Variants in SLC24A3 observed in about 807,000 individuals in gnomAD.
SLC24A3 encodes the protein sodium/potassium/calcium exchanger 3.
A neutral mutation model predicts 75.8 loss-of-function variants in SLC24A3; 28 were observed. The ratio of observed to expected loss-of-function variants is 0.37; its 90% CI spans 0.27 to 0.51. The LOEUF is 0.51. SLC24A3 is among the 20% of genes least tolerant of loss of function. The pLI, the probability that SLC24A3 is intolerant of heterozygous loss-of-function variation, is 0.94. For missense variants in SLC24A3, 663 were observed against 847.8 expected (o/e 0.78, Z 2.71); for synonymous variants, 372 against 334.1 (o/e 1.11, Z -1.24).
At chr20:19,554,502 G>A (rs2030751474) in intron 3 of SLC24A3, among the ~76,000 whole-genome samples, 1 of 152,066 alleles carries the variant, frequency 6.6e-6, no homozygotes, top group African/African-American at 2.4e-5. Flanking sequence ...TCACTTCCTG[G>A]GTATAGGTTA....
chr20:19,276,162 T>C (rs548937304), intron 1 of SLC24A3, among the ~76,000 whole-genome samples: 1 of 152,202 alleles, frequency 6.6e-6, no homozygotes, highest in South Asian at 2.1e-4. Flanking sequence ...CTCCAAGCCT[T>C]CCCAGCTGCC....
chr20:19,272,227 T>C (rs1319965125), intron 1 of SLC24A3, among the ~76,000 whole-genome samples: 1 of 152,198 alleles, frequency 6.6e-6, no homozygotes, highest in African/African-American at 2.4e-5. Flanking sequence ...GCCAGGAGGG[T>C]TGCCCCTCAG....
At chr20:19,707,884 G>C (rs1442639791) in intron 15 of SLC24A3, among the ~76,000 whole-genome samples, 3 of 152,202 alleles carry the variant, frequency 2.0e-5, no homozygotes, top group Non-Finnish European at 4.4e-5. Flanking sequence ...TAGTGGAAAT[G>C]ATAGGTCTGA....
intron 2 of SLC24A3, among the ~76,000 whole-genome samples, chr20:19,368,986 T>C (rs958326014): frequency 2.0e-5 from 3 of 152,194 alleles, no homozygotes; most frequent in African/African-American, 7.2e-5. Flanking sequence ...GAAAATGTCT[T>C]CCTTTGAGCA....
intron 2 of SLC24A3, among the ~76,000 whole-genome samples, chr20:19,381,373 C>T (rs1600456630): frequency 6.6e-6 from 1 of 152,062 alleles, no homozygotes; most frequent in Non-Finnish European, 1.5e-5. Context: ...AAGAGAAACA[C>T]AAAGCAGGAT....
intron 15 of SLC24A3, among the ~76,000 whole-genome samples, chr20:19,714,765 A>G (rs2033026783): frequency 6.6e-6 from 1 of 152,238 alleles, no homozygotes; most frequent in South Asian, 2.1e-4. Context: ...AATTTCAGCC[A>G]CACTGTTCTT....
chr20:19,700,408 A>T (rs2032856755), intron 15 of SLC24A3, among the ~76,000 whole-genome samples: 1 of 132,604 alleles, frequency 7.5e-6, no homozygotes, highest in African/African-American at 2.8e-5. Flanking sequence ...CTTTCTGATG[A>T]GGCCTGGAAG....
chr20:19,234,667 A>G (rs1982113407), intron 1 of SLC24A3, among the ~76,000 whole-genome samples: 1 of 152,232 alleles, frequency 6.6e-6, no homozygotes, highest in South Asian at 2.1e-4. Context: ...AGAGAGCTGC[A>G]GGTGCACAGG....
At chr20:19,374,198 C>T (rs1986040320) in intron 2 of SLC24A3, among the ~76,000 whole-genome samples, 1 of 152,162 alleles carries the variant, frequency 6.6e-6, no homozygotes, top group Non-Finnish European at 1.5e-5. Flanking sequence ...TTTCCCAGTT[C>T]CTCTGCTTAC....
intron 1 of SLC24A3, among the ~76,000 whole-genome samples, chr20:19,270,017 C>T (rs983836695): frequency 2.0e-5 from 3 of 152,192 alleles, no homozygotes; most frequent in East Asian, 1.9e-4. Context: ...TCTCTTCCAA[C>T]GGCACCCATT....
intron 2 of SLC24A3, among the ~76,000 whole-genome samples, chr20:19,441,721 G>A (rs1987302202): frequency 6.6e-6 from 1 of 151,998 alleles, no homozygotes; most frequent in Admixed American, 6.6e-5. Flanking sequence ...TTTATTCTTG[G>A]TGTATAGTTC....
chr20:19,635,591 C>T (rs1026898339), intron 6 of SLC24A3, among the ~76,000 whole-genome samples: 1 of 152,212 alleles, frequency 6.6e-6, no homozygotes, highest in Non-Finnish European at 1.5e-5. Flanking sequence ...TGGCTTGTGT[C>T]TGTTCCACTG....
At chr20:19,447,165 T>G (rs1987401184) in intron 2 of SLC24A3, among the ~76,000 whole-genome samples, 1 of 152,178 alleles carries the variant, frequency 6.6e-6, no homozygotes, top group Non-Finnish European at 1.5e-5. Flanking sequence ...CTCAGATTCT[T>G]TATCTGTGAA....
chr20:19,215,239 G>T (rs574174844), intron 1 of SLC24A3, among the ~76,000 whole-genome samples: 1 of 152,272 alleles, frequency 6.6e-6, no homozygotes, highest in African/African-American at 2.4e-5. Context: ...ACTACCTAGT[G>T]GTCCTTTGGT....
At chr20:19,453,075 G>A (rs944425826) in intron 2 of SLC24A3, among the ~76,000 whole-genome samples, 1 of 152,100 alleles carries the variant, frequency 6.6e-6, no homozygotes, top group Non-Finnish European at 1.5e-5. Flanking sequence ...CAGCTACTCA[G>A]GAGACTGAGG....
chr20:19,696,092 A>T (rs1030833858), intron 13 of SLC24A3, among the ~76,000 whole-genome samples: 2 of 137,252 alleles, frequency 1.5e-5, no homozygotes, highest in Middle Eastern at 4.5e-3. Context: ...ATCACAGCTC[A>T]TCGCAGCCTG....
At chr20:19,272,398 G>T (rs1983356463) in intron 1 of SLC24A3, among the ~76,000 whole-genome samples, 1 of 152,242 alleles carries the variant, frequency 6.6e-6, no homozygotes, top group South Asian at 2.1e-4. Context: ...GAGTGGAGCT[G>T]GGATAAAATA....
At chr20:19,296,476 AT>A (rs557407761) in intron 2 of SLC24A3, among the ~76,000 whole-genome samples, 97 of 152,022 alleles carry the variant, frequency 6.4e-4, no homozygotes, top group African/African-American at 2.2e-3. Context: ...GCTTTTCGAT[AT>A]GGTCATTTAG....
At chr20:19,557,086 T>C (rs1600279438) in intron 3 of SLC24A3, among the ~76,000 whole-genome samples, 1 of 152,292 alleles carries the variant, frequency 6.6e-6, no homozygotes, top group East Asian at 1.9e-4. Context: ...TTTAGAAGTC[T>C]GCAGCTCATG....
Sources: gnomAD v4.1 joint callset for allele counts (sites outside exome capture counted in the v4.1 genomes callset) on GRCh38, gnomAD v4.1.1 for gene constraint, MANE v1.5 for transcripts, NCBI Gene and HGNC (gene_info 2026-07-23, HGNC 2026-07-21) for gene names.